LNPEP: variants seen among roughly 807,000 people sequenced by gnomAD.
LNPEP encodes the protein leucyl and cystinyl aminopeptidase.
A neutral mutation model predicts 120.6 loss-of-function variants in LNPEP; 64 were observed. That is an observed-to-expected ratio of 0.53 (90% CI 0.43 to 0.65). The LOEUF (loss-of-function observed/expected upper bound fraction) is 0.65. Ranked by LOEUF, LNPEP falls within the 30% of genes least tolerant of loss-of-function variation. The probability of loss-of-function intolerance (pLI) is 0.00; values close to 1 mark genes in which losing one functional copy is unlikely to be tolerated. For synonymous variants in LNPEP, 435 were observed against 425.4 expected (o/e 1.02, Z -0.28); for missense variants, 1,057 against 1,200.0 (o/e 0.88, Z 1.76).
intron 2 of LNPEP, 82 bp from the exon 3 acceptor site, chr5:96,984,998 A>G: frequency 7.0e-7 from 1 of 1,429,418 alleles, no homozygotes; most frequent in South Asian, 1.3e-5. Context: ...GGATTGTAAC[A>G]TATTTATCTT....
intron 1 of LNPEP, among the ~76,000 whole-genome samples, chr5:96,966,849 A>T (rs1023439504): frequency 6.6e-6 from 1 of 152,142 alleles, no homozygotes; most frequent in Non-Finnish European, 1.5e-5. Context: ...TCTCTTTAAG[A>T]TTCATTAGCA....
At chr5:96,941,077 C>T (rs1789039980) in intron 1 of LNPEP, among the ~76,000 whole-genome samples, 1 of 152,148 alleles carries the variant, frequency 6.6e-6, no homozygotes, top group Non-Finnish European at 1.5e-5. Context: ...GCTTGTTTTC[C>T]TGCAAGTAGA....
At position 96,954,765 on chromosome 5, in the gene LNPEP, TA is replaced by T. The variant is rs1561430219; in HGVS notation, c.19+18592del. 3.0e-4 allele frequency among the ~76,000 whole-genome samples: 13 copies of T among 42,730 alleles called. 3 individuals are homozygous for T. Among genetic ancestry groups the T allele is most frequent in the African/African-American group, 1.1e-3 (13 of 11,508 alleles). 28.0% of individuals were successfully genotyped at this position (42,730 alleles called of 152,430 possible). On this transcript the variant is annotated intron_variant, in intron 1 of 17. Transcript: ENST00000231368. ...ATATATACACATATATATATATATATATATATATTTTTTTTTTTTTTTTTTT... is the reference window on the plus strand; with the variant it reads ...ATATATACACATATATATATATATATTATATATTTTTTTTTTTTTTTTTTT...
At chr5:96,958,375 C>A in intron 1 of LNPEP, 2 of 587,672 alleles carry the variant, frequency 3.4e-6, no homozygotes, top group Non-Finnish European at 4.3e-6. Flanking sequence ...CTTTCTTCAT[C>A]TATTTTGCAA....
At chr5:96,958,435 A>C (rs984215217) in intron 1 of LNPEP, 1 of 983,656 alleles carries the variant, frequency 1.0e-6, no homozygotes, top group African/African-American at 1.7e-5. Context: ...GAAATGCCAC[A>C]GCTGAACTTG....
chr5:96,947,399 G>A (rs1269075027), intron 1 of LNPEP, among the ~76,000 whole-genome samples: 1 of 152,080 alleles, frequency 6.6e-6, no homozygotes, highest in Non-Finnish European at 1.5e-5. Context: ...CCTCAACAGG[G>A]TTATTGGCTG....
chr5:97,023,157 A>G (rs909199648), intron 14 of LNPEP, among the ~76,000 whole-genome samples: 3 of 152,116 alleles, frequency 2.0e-5, no homozygotes, highest in Non-Finnish European at 4.4e-5. Context: ...AAGTAAAGTC[A>G]TATAGAATTT....
At chr5:96,936,250 G>T in intron 1 of LNPEP, 76 bp downstream of exon 1, 2 of 1,247,128 alleles carry the variant, frequency 1.6e-6, no homozygotes, top group South Asian at 1.8e-5. Flanking sequence ...GACACGCGGG[G>T]TCGGGCTGCA....
intron 1 of LNPEP, among the ~76,000 whole-genome samples, chr5:96,971,269 C>G (rs1789855177): frequency 6.6e-6 from 1 of 150,890 alleles, no homozygotes. Context: ...GCATTGTTTC[C>G]AGGTTCTCTT....
At chr5:97,023,041 C>T (rs1001165847) in intron 14 of LNPEP, among the ~76,000 whole-genome samples, 16 of 151,900 alleles carry the variant, frequency 1.1e-4, no homozygotes, top group Non-Finnish European at 1.8e-4. Context: ...AAAACTGAAA[C>T]TCTGTACCCA....
chr5:96,997,152 G>A (rs1368826283), intron 7 of LNPEP, among the ~76,000 whole-genome samples: 1 of 151,856 alleles, frequency 6.6e-6, no homozygotes, highest in Non-Finnish European at 1.5e-5. Flanking sequence ...TGATATGACA[G>A]ATATTGTCAA....
chr5:97,006,302 A>G, intron 10 of LNPEP, 69 bp downstream of exon 10: 1 of 1,417,430 alleles, frequency 7.1e-7, no homozygotes, highest in Non-Finnish European at 9.8e-7. Flanking sequence ...TAAGTGTTTT[A>G]TAATCATAAG....
intron 7 of LNPEP, 124 bp downstream of exon 7, chr5:96,996,627 G>C: frequency 1.7e-6 from 1 of 603,826 alleles, no homozygotes; most frequent in South Asian, 2.2e-5. Flanking sequence ...TGCCAAACTT[G>C]ACTTTGGTTA....
At chr5:97,006,044 TTTTA>T in intron 9 of LNPEP, 25 bp from the exon 10 acceptor site, 1 of 752,702 alleles carries the variant, frequency 1.3e-6, no homozygotes, top group South Asian at 5.9e-5. Flanking sequence ...AAGGAAAAAG[TTTTA>T]TATATATATA....
At chr5:96,984,251 A>G (rs1246302556) in intron 2 of LNPEP, among the ~76,000 whole-genome samples, 1 of 152,240 alleles carries the variant, frequency 6.6e-6, no homozygotes, top group Non-Finnish European at 1.5e-5. Context: ...AAAGTTTTCC[A>G]GAGCTTATAT....
Position 97,026,666 on chromosome 5 carries a change from T to A in LNPEP, c.2773T>A (p.Ser925Thr). The part of the protein sequence containing the change: ...NGDNFRTQKL[S>T]FIIRTVGRHF... ...AGATAACTTCCGAACACAGAAGCTG[T>A]CTTTTATCATTAGAACAGTGGGTCG... The change falls in exon 16 of 18, where the codon TCT becomes ACT. Residue 925 changes from serine to threonine, a missense_variant. Ser to Thr is a moderately conservative substitution (Grantham distance 58). Transcript: ENST00000231368. 4 of 1,613,192 alleles carry A rather than the reference T, an allele frequency of 2.5e-6. No individual in the cohort carries two copies. The highest frequency in any genetic ancestry group is 3.4e-6 in the Non-Finnish European group (4 of 1,179,156).
At chr5:96,938,373 T>G (rs1485332338) in intron 1 of LNPEP, among the ~76,000 whole-genome samples, 1 of 152,218 alleles carries the variant, frequency 6.6e-6, no homozygotes, top group Non-Finnish European at 1.5e-5. Flanking sequence ...CCACTTACAC[T>G]TTTTCATGTA....
At chr5:96,972,838 C>A (rs1346046224) in intron 1 of LNPEP, among the ~76,000 whole-genome samples, 1 of 152,094 alleles carries the variant, frequency 6.6e-6, no homozygotes, top group African/African-American at 2.4e-5. Context: ...TTCTCGCCTC[C>A]CACCCTCAGT....
At chr5:97,025,408 G>T (rs529616301) in intron 15 of LNPEP, among the ~76,000 whole-genome samples, 1 of 152,160 alleles carries the variant, frequency 6.6e-6, no homozygotes, top group African/African-American at 2.4e-5. Context: ...CAAAAGATAC[G>T]CTGTAAATAG....
Sources: gnomAD v4.1 joint callset for allele counts (sites outside exome capture counted in the v4.1 genomes callset) on GRCh38, gnomAD v4.1.1 for gene constraint, MANE v1.5 for transcripts, NCBI Gene and HGNC (gene_info 2026-07-23, HGNC 2026-07-21) for gene names.